The following GABRB2 variants were observed in gnomAD, a reference collection of about 807,000 sequenced individuals.
GABRB2 encodes gamma-aminobutyric acid receptor subunit beta-2.
A neutral mutation model predicts 54.7 loss-of-function variants in GABRB2; 16 were observed. That is an observed-to-expected ratio of 0.29 (90% CI 0.20 to 0.44). The LOEUF (loss-of-function observed/expected upper bound fraction) is 0.44, where lower values mean the gene tolerates loss of function less well. Ranked by LOEUF, GABRB2 falls within the 20% of genes least tolerant of loss-of-function variation. The pLI, the probability that GABRB2 is intolerant of heterozygous loss-of-function variation, is 1.00. For missense variants in GABRB2, 355 were observed against 644.0 expected, an observed-to-expected ratio of 0.55 and a Z score of 4.86; for synonymous variants, 244 against 233.8, an observed-to-expected ratio of 1.04 and a Z score of -0.40.
At chr5:161,453,226 C>A (rs974184296) in intron 4 of GABRB2, among the ~76,000 whole-genome samples, 2 of 152,194 alleles carry the variant, frequency 1.3e-5, no homozygotes, top group Admixed American at 6.5e-5. Flanking sequence ...CTAGCCATAT[C>A]TCTTGATGGA....
At chr5:161,489,827 A>G (rs1759047089) in intron 3 of GABRB2, among the ~76,000 whole-genome samples, 1 of 151,832 alleles carries the variant, frequency 6.6e-6, no homozygotes, top group Non-Finnish European at 1.5e-5. Flanking sequence ...GGCTTATTTT[A>G]GTCACCACTT....
At chr5:161,446,493 C>T (rs1020406848) in intron 4 of GABRB2, among the ~76,000 whole-genome samples, 5 of 152,116 alleles carry the variant, frequency 3.3e-5, no homozygotes, top group African/African-American at 9.7e-5. Context: ...CCACTTCCAA[C>T]TGCATGCATG....
At chr5:161,498,995 C>T (rs1030187273) in intron 3 of GABRB2, among the ~76,000 whole-genome samples, 1 of 152,120 alleles carries the variant, frequency 6.6e-6, no homozygotes, top group Non-Finnish European at 1.5e-5. Context: ...TCCTCACATC[C>T]TCGAATGTTT....
chr5:161,519,408 C>T (rs148358715), intron 3 of GABRB2, among the ~76,000 whole-genome samples: 45 of 152,270 alleles, frequency 3.0e-4, no homozygotes, highest in African/African-American at 9.1e-4. Flanking sequence ...CATGACTTTA[C>T]GAAGAAGGCT....
intron 5 of GABRB2, among the ~76,000 whole-genome samples, chr5:161,402,541 A>G (rs548076630): frequency 6.5e-4 from 99 of 152,304 alleles, no homozygotes; most frequent in African/African-American, 2.3e-3. Flanking sequence ...AATGTAGAAA[A>G]GTTAGAATGT....
chr5:161,306,374 AC>A (rs1757690917), intron 9 of GABRB2, among the ~76,000 whole-genome samples: 1 of 152,128 alleles, frequency 6.6e-6, no homozygotes, highest in Non-Finnish European at 1.5e-5. Flanking sequence ...GACTTCACAA[AC>A]CCCATCTGGA....
At chr5:161,484,691 A>G (rs945134468) in intron 3 of GABRB2, among the ~76,000 whole-genome samples, 2 of 152,024 alleles carry the variant, frequency 1.3e-5, no homozygotes, top group Non-Finnish European at 1.5e-5. Flanking sequence ...AACTCTACAT[A>G]TACAATGAAT....
chr5:161,294,666 A>T (rs923091047), intron 9 of GABRB2, among the ~76,000 whole-genome samples: 1 of 152,208 alleles, frequency 6.6e-6, no homozygotes, highest in Non-Finnish European at 1.5e-5. Context: ...GTAATGATGT[A>T]ATTATATAAT....
chr5:161,489,944 A>G (rs1262940540), intron 3 of GABRB2, among the ~76,000 whole-genome samples: 2 of 151,732 alleles, frequency 1.3e-5, no homozygotes, highest in African/African-American at 4.8e-5. Flanking sequence ...TGGGTTTCAA[A>G]TTATAAATTG....
At chr5:161,486,625 G>A (rs1007534322) in intron 3 of GABRB2, among the ~76,000 whole-genome samples, 13 of 151,834 alleles carry the variant, frequency 8.6e-5, no homozygotes, top group African/African-American at 2.9e-4. Context: ...TGTGGCATGT[G>A]AAGTGAGCCA....
At chr5:161,374,931 TC>T (rs1422164160) in intron 5 of GABRB2, among the ~76,000 whole-genome samples, 1 of 152,152 alleles carries the variant, frequency 6.6e-6, no homozygotes, top group Non-Finnish European at 1.5e-5. Context: ...GTAGTAGACA[TC>T]CAATAAAGAT....
chr5:161,333,020 C>T (rs538383327), intron 7 of GABRB2, among the ~76,000 whole-genome samples: 4 of 152,158 alleles, frequency 2.6e-5, no homozygotes, highest in East Asian at 1.9e-4. Context: ...CTGTATCATA[C>T]GTATATAATA....
chr5:161,295,789 A>G (rs758563045), intron 9 of GABRB2, among the ~76,000 whole-genome samples: 2 of 152,226 alleles, frequency 1.3e-5, no homozygotes, highest in Non-Finnish European at 2.9e-5. Flanking sequence ...ATCTCTGCCT[A>G]CTGATCAGAC....
chr5:161,459,440 C>G (rs765438115), intron 4 of GABRB2, 184 bp downstream of exon 4: 19 of 610,150 alleles, frequency 3.1e-5, no homozygotes, highest in Non-Finnish European at 5.3e-5. Flanking sequence ...GTAGTCTTAG[C>G]TGAGGTTAAG....
At chr5:161,414,433 G>A (rs1295055879) in intron 4 of GABRB2, among the ~76,000 whole-genome samples, 1 of 151,974 alleles carries the variant, frequency 6.6e-6, no homozygotes, top group Admixed American at 6.6e-5. Flanking sequence ...GAAGTTATTT[G>A]GCAGTATGAG....
chr5:161,519,923 A>G (rs1434178540), intron 3 of GABRB2, among the ~76,000 whole-genome samples: 6 of 152,146 alleles, frequency 3.9e-5, no homozygotes, highest in Admixed American at 3.3e-4. Context: ...TATATTTGAT[A>G]TTTTAAATTA....
At chr5:161,313,106 T>C (rs527451623) in intron 9 of GABRB2, among the ~76,000 whole-genome samples, 3 of 152,282 alleles carry the variant, frequency 2.0e-5, no homozygotes, top group East Asian at 1.9e-4. Context: ...AGGATGCAGG[T>C]CAAGCTGTTA....
intron 5 of GABRB2, among the ~76,000 whole-genome samples, chr5:161,404,678 A>G (rs980801468): frequency 2.0e-5 from 3 of 152,164 alleles, no homozygotes; most frequent in Non-Finnish European, 2.9e-5. Context: ...AAAGATTGCT[A>G]GCTAAACAAC....
At chr5:161,349,818 T>C (rs1436189544) in intron 5 of GABRB2, among the ~76,000 whole-genome samples, 2 of 152,112 alleles carry the variant, frequency 1.3e-5, no homozygotes, top group African/African-American at 4.8e-5. Context: ...GAGCCTTTCC[T>C]GTTTGGGCTT....
Sources: allele counts gnomAD v4.1 joint callset (sites outside exome capture counted in the v4.1 genomes callset), GRCh38; gene constraint gnomAD v4.1.1; transcripts MANE v1.5; gene names NCBI Gene and HGNC (gene_info 2026-07-23, HGNC 2026-07-21).